SLC30A9: variants seen among roughly 807,000 people sequenced by gnomAD.
The protein encoded by SLC30A9 is solute carrier family 30 member 9.
Under a neutral mutation model 87.5 loss-of-function variants are expected in SLC30A9, and 58 were observed. The ratio of observed to expected loss-of-function variants is 0.66; its 90% confidence interval spans 0.54 to 0.82. SLC30A9 has a LOEUF of 0.82. Among genes scored for constraint, SLC30A9 ranks in the 40% least tolerant of loss-of-function variants. The probability of loss-of-function intolerance (pLI) is 0.00; values close to 1 mark genes in which losing one functional copy is unlikely to be tolerated. For missense variants in SLC30A9, 557 were observed against 679.1 expected (o/e 0.82, Z 2.00); for synonymous variants, 234 against 233.0 (o/e 1.00, Z -0.04).
At chr4:42,031,696 A>G (rs1390516406) in intron 6 of SLC30A9, among the ~76,000 whole-genome samples, 1 of 152,230 alleles carries the variant, frequency 6.6e-6, no homozygotes, top group Non-Finnish European at 1.5e-5. Context: ...ATTTTATCCT[A>G]TCCCCCCAAA....
chr4:42,045,696 G>A (rs527748625), intron 8 of SLC30A9, among the ~76,000 whole-genome samples: 1 of 152,012 alleles, frequency 6.6e-6, no homozygotes, highest in African/African-American at 2.4e-5. Context: ...AATAGGAAAA[G>A]AAGGACTCCT....
intron 3 of SLC30A9, among the ~76,000 whole-genome samples, chr4:42,019,873 A>G (rs1715874573): frequency 6.6e-6 from 1 of 152,024 alleles, no homozygotes; most frequent in African/African-American, 2.4e-5. Context: ...GGCTCACTGC[A>G]ACCTCTGCCT....
At chr4:42,060,372 T>C in intron 10 of SLC30A9, 126 bp downstream of exon 10, 1 of 726,952 alleles carries the variant, frequency 1.4e-6, no homozygotes. Context: ...TTTCTTCCAC[T>C]GTAGTATCTA....
At chr4:42,023,491 G>T in intron 6 of SLC30A9, 107 bp downstream of exon 6, 1 of 638,494 alleles carries the variant, frequency 1.6e-6, no homozygotes. Flanking sequence ...CCTAGGCTCT[G>T]TTGCTTCCAG....
Position 42,039,050 on chromosome 4 carries a change from G to T in SLC30A9, c.734G>T (p.Cys245Phe). Residue 245 changes from cysteine (C) to phenylalanine (F), a missense_variant, in exon 8 of 18, where the codon TGC (cysteine) becomes TTC (phenylalanine). Physicochemically the swap from Cys to Phe is radical, Grantham distance 205. Transcript: ENST00000264451. ...GGAAAAGTGGTGATGGTTGCAATTT[G>T]CATGTAAGTACTGAAAAATAAGCTT... ...GPGKVVMVAI[C>F]INGLNCFFKF... 1 of 1,605,218 alleles carries T rather than the reference G, an allele frequency of 6.2e-7. No homozygotes were observed. The highest frequency in any genetic ancestry group is 8.5e-7 in the Non-Finnish European group (1 of 1,172,044).
chr4:42,060,473 G>A (rs1389445872), intron 10 of SLC30A9, among the ~76,000 whole-genome samples: 1 of 152,082 alleles, frequency 6.6e-6, no homozygotes, highest in Admixed American at 6.6e-5. Flanking sequence ...AGCACGGCAT[G>A]GAGATCTTGT....
rs1184110729 is a variant in SLC30A9, at chr4:42,086,694, T to G, written c.*568T>G. On this transcript the variant is annotated 3_prime_UTR_variant, in exon 18 of 18. Transcript: ENST00000264451. ...TAAGAGAATCACTCTCCTTACCTAG[T>G]TATCTACAAATGTTCATTCCAGAAA... 2 of 152,678 alleles carry G rather than the reference T, an allele frequency of 1.3e-5. No individual in the cohort carries two copies. The highest frequency in any genetic ancestry group is 2.9e-5 in the Non-Finnish European group (2 of 68,056). 9.5% of individuals were successfully genotyped at this position (152,678 alleles called of 1,614,324 possible).
At chr4:42,016,684 G>T (rs1249162540) in intron 2 of SLC30A9, among the ~76,000 whole-genome samples, 1 of 152,100 alleles carries the variant, frequency 6.6e-6, no homozygotes, top group African/African-American at 2.4e-5. Flanking sequence ...TAAATGAGTT[G>T]ATACATGCTT....
At chr4:42,063,380 G>C (rs781343990) in intron 11 of SLC30A9, among the ~76,000 whole-genome samples, 1 of 152,204 alleles carries the variant, frequency 6.6e-6, no homozygotes, top group Admixed American at 6.5e-5. Flanking sequence ...ATCTTGGGCA[G>C]TTCCACTAAT....
chr4:42,037,239 C>CTTTTT (rs536795831), intron 7 of SLC30A9, among the ~76,000 whole-genome samples: 57 of 91,178 alleles, frequency 6.3e-4, no homozygotes, highest in East Asian at 1.4e-3. Flanking sequence ...TAAATGCCTT[C>CTTTTT]TTTTTTTTTT....
At chr4:41,996,585 T>A (rs1714720127) in intron 1 of SLC30A9, among the ~76,000 whole-genome samples, 1 of 150,346 alleles carries the variant, frequency 6.7e-6, no homozygotes, top group South Asian at 2.1e-4. Flanking sequence ...CAAAAAAAAA[T>A]TAAAAAATGT....
chr4:42,039,043 G>T lies in SLC30A9; in HGVS notation c.727G>T (p.Ala243Ser). ...FKGPGKVVMV[A>S]ICINGLNCFF... ...GGGACCAGGAAAAGTGGTGATGGTT[G>T]CAATTTGCATGTAAGTACTGAAAAA... Residue 243 changes from alanine (A) to serine (S), a missense_variant, in exon 8 of 18, where the codon GCA becomes TCA. Ala to Ser is a moderately conservative substitution (Grantham distance 99). Transcript: ENST00000264451. The T allele has an allele frequency of 6.2e-7, 1 of 1,610,514 alleles. No homozygotes were observed.
rs372948390 is a variant in SLC30A9, at chr4:42,012,774, AAAAC to A, written c.275-5325_275-5322del. On this transcript the variant is annotated intron_variant, in intron 2 of 17. Coordinates refer to ENST00000264451, the MANE Select transcript of SLC30A9 (RefSeq NM_006345.4). ...TTACTAAACAACCCCTCCACATTAA[AAAAC>A]AAACAAACAAAAAAAACTATTAAAG... is the stretch of plus-strand genomic sequence containing the variant. Among the ~76,000 whole-genome samples, 638 of 152,234 alleles carry A rather than the reference AAAAC, an allele frequency of 4.2e-3. 5 individuals are homozygous for A. Among genetic ancestry groups the A allele is most frequent in the African/African-American group, 0.014 (594 of 41,546 alleles).
At chr4:41,998,711 A>C (rs754232734) in intron 1 of SLC30A9, among the ~76,000 whole-genome samples, 7 of 152,104 alleles carry the variant, frequency 4.6e-5, no homozygotes, top group Non-Finnish European at 1.0e-4. Context: ...TGACCTGCCC[A>C]GCTTGGCCTC....
At chr4:42,029,987 G>T in intron 6 of SLC30A9, 1 of 923,308 alleles carries the variant, frequency 1.1e-6, no homozygotes. Flanking sequence ...TGCAGCCTCT[G>T]CTTGTTGTAC....
chr4:42,054,984 T>G (rs1717544702), intron 9 of SLC30A9, among the ~76,000 whole-genome samples: 1 of 152,138 alleles, frequency 6.6e-6, no homozygotes, highest in African/African-American at 2.4e-5. Flanking sequence ...TGGTTACATA[T>G]TTATAATTGT....
chr4:42,017,465 A>G (rs10805092), intron 2 of SLC30A9, among the ~76,000 whole-genome samples: 97,655 of 150,362 alleles, frequency 0.65, 35,755 homozygotes, highest in East Asian at 0.96. Context: ...TGTTGTTTAT[A>G]TCTTGTTTAA....
chr4:42,008,890 G>A (rs919829739), intron 2 of SLC30A9, among the ~76,000 whole-genome samples: 2 of 152,032 alleles, frequency 1.3e-5, no homozygotes, highest in African/African-American at 4.8e-5. Flanking sequence ...TCTTTCTTTT[G>A]TGGTGATGGA....
chr4:42,005,199 A>G (rs959375842), intron 2 of SLC30A9, among the ~76,000 whole-genome samples: 1 of 151,844 alleles, frequency 6.6e-6, no homozygotes, highest in African/African-American at 2.4e-5. Flanking sequence ...ATTTTCCATG[A>G]TGTTTTTGTA....
Sources: gnomAD v4.1 joint callset for allele counts (sites outside exome capture counted in the v4.1 genomes callset) on GRCh38, gnomAD v4.1.1 for gene constraint, MANE v1.5 for transcripts, NCBI Gene and HGNC (gene_info 2026-07-23, HGNC 2026-07-21) for gene names.